KCNIP4: variants seen among roughly 807,000 people sequenced by gnomAD.
KCNIP4 encodes the protein potassium voltage-gated channel interacting protein 4, also known as Kv channel-interacting protein 4.
KCNIP4 carries 12 observed loss-of-function variants against 34.0 expected under a neutral mutation model. The ratio of observed to expected loss-of-function variants is 0.35; its 90% CI spans 0.23 to 0.57. The LOEUF is 0.57. Among genes scored for constraint, KCNIP4 ranks in the 20% least tolerant of loss-of-function variants. The probability of loss-of-function intolerance (pLI) is 0.83; values close to 1 mark genes in which losing one functional copy is unlikely to be tolerated. For missense variants in KCNIP4, 238 were observed against 311.7 expected (o/e 0.76, Z 1.78); for synonymous variants, 124 against 102.2 (o/e 1.21, Z -1.29).
chr4:21,038,446 C>T lies in KCNIP4; in HGVS notation c.62-155737G>A, dbSNP rs555532694. On this transcript the variant is annotated intron_variant, in intron 1 of 8. Transcript: ENST00000382152. ...TTTATGACTCATAGCAGAAGCAGTACCAACAGTCTCATGAGGCTGTGACTG... is the reference window on the plus strand; with the variant it reads ...TTTATGACTCATAGCAGAAGCAGTATCAACAGTCTCATGAGGCTGTGACTG... 4.2e-3 allele frequency among the ~76,000 whole-genome samples: 644 copies of T among 152,232 alleles called. 11 individuals carry two copies. The highest frequency in any genetic ancestry group is 2.2e-3 in the Non-Finnish European group (151 of 68,032).
rs149478883 is a variant in KCNIP4 at position 21,792,525 on chromosome 4, G to C, written c.61+156046C>G. Among the ~76,000 whole-genome samples the C allele has an allele frequency of 8.4e-3, 1,282 of 152,320 alleles. 14 individuals carry two copies. Among genetic ancestry groups the C allele is most frequent in the South Asian group, 0.028 (135 of 4,824 alleles). On this transcript the variant is annotated intron_variant, in intron 1 of 8. Coordinates refer to ENST00000382152, the MANE Select transcript of KCNIP4 (RefSeq NM_025221.6). ...GCTGTGTGTAAATGTCAATACGTGT[G>C]AAAGTGGTCATGGATAACAGAAGTT...
chr4:20,870,918 G>GA (rs1309991545), intron 2 of KCNIP4, among the ~76,000 whole-genome samples: 1 of 152,066 alleles, frequency 6.6e-6, no homozygotes, highest in African/African-American at 2.4e-5. Flanking sequence ...TTTCAGTGGG[G>GA]AAGGGGCTTC....
At chr4:21,193,792 C>T (rs1755857676) in intron 1 of KCNIP4, among the ~76,000 whole-genome samples, 1 of 151,940 alleles carries the variant, frequency 6.6e-6, no homozygotes, top group African/African-American at 2.4e-5. Flanking sequence ...AGGATGGTCT[C>T]GATCTCCTGA....
intron 1 of KCNIP4, among the ~76,000 whole-genome samples, chr4:21,314,847 T>C (rs1713561121): frequency 6.6e-6 from 1 of 152,206 alleles, no homozygotes; most frequent in South Asian, 2.1e-4. Flanking sequence ...AAGAGTACCA[T>C]ATTTGGGACC....
chr4:20,859,169 A>T (rs1721930878), intron 2 of KCNIP4, among the ~76,000 whole-genome samples: 1 of 152,212 alleles, frequency 6.6e-6, no homozygotes, highest in East Asian at 1.9e-4. Context: ...AACACATGGT[A>T]GAATAAGGTA....
chr4:21,937,303 G>A (rs1167305926), intron 1 of KCNIP4, among the ~76,000 whole-genome samples: 7 of 151,870 alleles, frequency 4.6e-5, no homozygotes, highest in African/African-American at 1.7e-4. Context: ...TCTCACCGCA[G>A]CACCACAAAG....
At position 20,930,874 on chromosome 4, in the gene KCNIP4, G is replaced by T. The variant is rs1426055315; in HGVS notation, c.62-48165C>A. Reference sequence around the variant, plus strand: ...AAAGACAAGAGGTTACTGCTGGTGAGAGTGTGGGGAAAAGGGAAATACAGT... The same window carrying T: ...AAAGACAAGAGGTTACTGCTGGTGATAGTGTGGGGAAAAGGGAAATACAGT... On this transcript the variant is annotated intron_variant, in intron 1 of 8. Coordinates refer to ENST00000382152, the MANE Select transcript of KCNIP4 (RefSeq NM_025221.6). Among the ~76,000 whole-genome samples the T allele has an allele frequency of 4.6e-5, 7 of 151,478 alleles. No individual in the cohort carries two copies. The East Asian group carries it at 1.4e-3, about 29-fold the overall frequency.
chr4:21,633,544 A>T (rs1745909189), intron 1 of KCNIP4, among the ~76,000 whole-genome samples: 1 of 152,174 alleles, frequency 6.6e-6, no homozygotes, highest in Non-Finnish European at 1.5e-5. Flanking sequence ...TTAGACAATT[A>T]AATGAGAGAG....
At chr4:21,276,175 C>A (rs1189968535) in intron 1 of KCNIP4, among the ~76,000 whole-genome samples, 1 of 152,176 alleles carries the variant, frequency 6.6e-6, no homozygotes, top group East Asian at 1.9e-4. Context: ...AACACACAAC[C>A]AGGCGCCACC....
At chr4:21,617,541 T>C (rs764063997) in intron 1 of KCNIP4, among the ~76,000 whole-genome samples, 17 of 152,332 alleles carry the variant, frequency 1.1e-4, no homozygotes, top group East Asian at 3.9e-4. Context: ...TAATAAATCA[T>C]AAATGAATCA....
chr4:21,302,418 G>T (rs1711838284), intron 1 of KCNIP4, among the ~76,000 whole-genome samples: 1 of 152,192 alleles, frequency 6.6e-6, no homozygotes, highest in South Asian at 2.1e-4. Flanking sequence ...TGAATTGTCA[G>T]TCTCACAGAG....
At chr4:21,253,357 T>TAA (rs1760850576) in intron 1 of KCNIP4, among the ~76,000 whole-genome samples, 2 of 152,168 alleles carry the variant, frequency 1.3e-5, no homozygotes, top group African/African-American at 4.8e-5. Flanking sequence ...AAAGTAATCT[T>TAA]CTGGAGAAAG....
chr4:21,313,997 G>A (rs944233263), intron 1 of KCNIP4, among the ~76,000 whole-genome samples: 19 of 152,162 alleles, frequency 1.2e-4, no homozygotes, highest in African/African-American at 4.6e-4. Flanking sequence ...CAAGATGTAG[G>A]CTCGGGCTGT....
At chr4:21,010,574 G>T (rs1369000496) in intron 1 of KCNIP4, among the ~76,000 whole-genome samples, 2 of 152,132 alleles carry the variant, frequency 1.3e-5, no homozygotes, top group Non-Finnish European at 2.9e-5. Flanking sequence ...GACAAGTTTT[G>T]CAATCAAGTT....
chr4:21,275,352 C>T lies in KCNIP4; in HGVS notation c.62-392643G>A, dbSNP rs185379791. ...TGTTCAGAGTACACTGTTATGAGCC[C>T]ATGCTGAATGCCTCTAGCCACATGA... On this transcript the variant is annotated intron_variant, in intron 1 of 8. Transcript: ENST00000382152. Among the ~76,000 whole-genome samples, 3 of 152,240 alleles carry T rather than the reference C, an allele frequency of 2.0e-5. 1 individual carries two copies. Among genetic ancestry groups the T allele is most frequent in the African/African-American group, 7.2e-5 (3 of 41,560 alleles).
At chr4:21,319,285 T>A (rs1714126446) in intron 1 of KCNIP4, among the ~76,000 whole-genome samples, 1 of 152,230 alleles carries the variant, frequency 6.6e-6, no homozygotes, top group Non-Finnish European at 1.5e-5. Flanking sequence ...GGACAAATCA[T>A]GTCTGCAGTC....
At chr4:21,224,852 G>T (rs2109007819) in intron 1 of KCNIP4, among the ~76,000 whole-genome samples, 1 of 152,086 alleles carries the variant, frequency 6.6e-6, no homozygotes, top group South Asian at 2.1e-4. Flanking sequence ...CTACCAAAGT[G>T]CTGAGATTAC....
At chr4:21,855,841 C>T (rs532802943) in intron 1 of KCNIP4, 17 of 152,152 alleles carry the variant, frequency 1.1e-4, no homozygotes, top group Non-Finnish European at 2.5e-4. Flanking sequence ...CACACACTTC[C>T]TAGAATTACC....
At chr4:21,340,884 C>G (rs1369659238) in intron 1 of KCNIP4, among the ~76,000 whole-genome samples, 5 of 152,020 alleles carry the variant, frequency 3.3e-5, no homozygotes, top group Non-Finnish European at 7.4e-5. Flanking sequence ...GTGCATAGGG[C>G]AGATAAAAGG....
Sources: gnomAD v4.1 joint callset for allele counts (sites outside exome capture counted in the v4.1 genomes callset) on GRCh38, gnomAD v4.1.1 for gene constraint, MANE v1.5 for transcripts, NCBI Gene and HGNC (gene_info 2026-07-23, HGNC 2026-07-21) for gene names.